HS2ST1: variants seen among roughly 807,000 people sequenced by gnomAD.
The protein encoded by HS2ST1 is 2-O-sulfotransferase.
HS2ST1 carries 18 observed loss-of-function variants against 42.9 expected under a neutral mutation model. That is an observed-to-expected ratio of 0.42 (90% confidence interval 0.29 to 0.62). The LOEUF (loss-of-function observed/expected upper bound fraction) is 0.62. Among genes scored for constraint, HS2ST1 ranks in the 20% least tolerant of loss-of-function variants. The pLI is 0.21. For missense variants in HS2ST1, 334 were observed against 433.8 expected, an observed-to-expected ratio of 0.77 and a Z score of 2.04; for synonymous variants, 146 against 152.9, an observed-to-expected ratio of 0.95 and a Z score of 0.33.
At chr1:86,965,032 G>A (rs769307803) in intron 1 of HS2ST1, among the ~76,000 whole-genome samples, 14 of 152,268 alleles carry the variant, frequency 9.2e-5, no homozygotes, top group East Asian at 3.9e-4. Context: ...TGACTGATCT[G>A]CTAGCCAAGA....
chr1:87,007,449 T>A lies in HS2ST1; in HGVS notation c.125-65485T>A, dbSNP rs79023269. On this transcript the variant is annotated intron_variant, in intron 1 of 6. Coordinates refer to ENST00000370550, the MANE Select transcript of HS2ST1 (RefSeq NM_012262.4). ...ACCTAGAGGCATGGCCCCTAAGTTA[T>A]TATAGAGGATGCATAGAAGGACATA... Among the ~76,000 whole-genome samples the A allele has an allele frequency of 9.1e-3, 1,385 of 152,172 alleles. 22 individuals are homozygous for A. The highest frequency in any genetic ancestry group is 0.032 in the African/African-American group (1,329 of 41,542).
At chr1:86,978,737 A>G (rs906285590) in intron 1 of HS2ST1, among the ~76,000 whole-genome samples, 1 of 152,104 alleles carries the variant, frequency 6.6e-6, no homozygotes, top group Non-Finnish European at 1.5e-5. Context: ...AAAATTAAGA[A>G]TATAATATAT....
At chr1:87,056,264 C>T (rs995347579) in intron 1 of HS2ST1, among the ~76,000 whole-genome samples, 16 of 152,210 alleles carry the variant, frequency 1.1e-4, no homozygotes, top group African/African-American at 3.9e-4. Flanking sequence ...AGTTTCTCTT[C>T]TATTCCTCCA....
intron 1 of HS2ST1, among the ~76,000 whole-genome samples, chr1:86,944,761 A>G (rs771182655): frequency 3.3e-5 from 5 of 152,060 alleles, no homozygotes; most frequent in Non-Finnish European, 7.4e-5. Context: ...CTTTTTCTCT[A>G]CTAAACTATC....
At chr1:86,980,843 T>G (rs1648557200) in intron 1 of HS2ST1, among the ~76,000 whole-genome samples, 1 of 152,204 alleles carries the variant, frequency 6.6e-6, no homozygotes, top group Non-Finnish European at 1.5e-5. Context: ...AAATTGTCAT[T>G]TTTATAAGAA....
chr1:86,934,901 C>G (rs1660611769), intron 1 of HS2ST1: 1 of 124,150 alleles, frequency 8.1e-6, no homozygotes. Flanking sequence ...GCATTCCTGC[C>G]TGGGCGACAA....
At chr1:87,097,028 C>T (rs1433578560) in intron 4 of HS2ST1, among the ~76,000 whole-genome samples, 1 of 152,206 alleles carries the variant, frequency 6.6e-6, no homozygotes, top group Non-Finnish European at 1.5e-5. Flanking sequence ...TCAAATGCCT[C>T]ATGAAAATAT....
At chr1:86,920,523 G>A (rs1660270264) in intron 1 of HS2ST1, among the ~76,000 whole-genome samples, 1 of 152,106 alleles carries the variant, frequency 6.6e-6, no homozygotes, top group African/African-American at 2.4e-5. Context: ...TCTTGAATAG[G>A]ATGTCTAGTG....
chr1:87,012,965 C>G (rs1649646313), intron 1 of HS2ST1, among the ~76,000 whole-genome samples: 1 of 152,214 alleles, frequency 6.6e-6, no homozygotes, highest in African/African-American at 2.4e-5. Context: ...GGTGGGCTTC[C>G]CCATGGTCTT....
chr1:87,096,162 G>A (rs888929280), intron 4 of HS2ST1, among the ~76,000 whole-genome samples: 26 of 151,858 alleles, frequency 1.7e-4, no homozygotes, highest in East Asian at 3.9e-4. Flanking sequence ...AAAAAATTGC[G>A]GCTATTCTTT....
intron 1 of HS2ST1, among the ~76,000 whole-genome samples, chr1:87,009,901 G>A (rs986059450): frequency 3.9e-5 from 6 of 152,076 alleles, no homozygotes; most frequent in Non-Finnish European, 8.8e-5. Context: ...TGGGCCTGGT[G>A]GCGGGCACCT....
intron 1 of HS2ST1, chr1:87,064,625 C>G (rs116037068): frequency 2.2e-6 from 1 of 463,060 alleles, no homozygotes; most frequent in Non-Finnish European, 4.3e-6. Context: ...TTTTGTTAGT[C>G]CCCCATGGTG....
intron 1 of HS2ST1, among the ~76,000 whole-genome samples, chr1:86,996,159 A>G (rs988610850): frequency 6.6e-6 from 1 of 152,032 alleles, no homozygotes; most frequent in Non-Finnish European, 1.5e-5. Flanking sequence ...AGAAGTACCA[A>G]AGGCCAGGTA....
intron 1 of HS2ST1, among the ~76,000 whole-genome samples, chr1:87,042,318 T>C (rs1028402527): frequency 6.6e-6 from 1 of 152,192 alleles, no homozygotes; most frequent in Non-Finnish European, 1.5e-5. Flanking sequence ...CTTTTTAGTT[T>C]GATACAGTCA....
intron 1 of HS2ST1, among the ~76,000 whole-genome samples, chr1:86,930,270 C>A (rs150901798): frequency 6.6e-6 from 1 of 151,778 alleles, no homozygotes; most frequent in Non-Finnish European, 1.5e-5. Context: ...TAAAATTTTT[C>A]CTAATTAGCA....
chr1:87,081,928 C>T (rs1201047184), intron 2 of HS2ST1, among the ~76,000 whole-genome samples: 16 of 145,046 alleles, frequency 1.1e-4, no homozygotes, highest in Admixed American at 1.1e-3. Flanking sequence ...GAGCTGAGAT[C>T]GTGTCACTAC....
chr1:86,974,111 G>A (rs892872397), intron 1 of HS2ST1, among the ~76,000 whole-genome samples: 2 of 152,016 alleles, frequency 1.3e-5, no homozygotes, highest in African/African-American at 4.8e-5. Flanking sequence ...AAATTTTTGG[G>A]GTGATAGTAG....
intron 3 of HS2ST1, among the ~76,000 whole-genome samples, chr1:87,089,603 C>T (rs1206827885): frequency 6.6e-6 from 1 of 152,008 alleles, no homozygotes; most frequent in Non-Finnish European, 1.5e-5. Context: ...TTCTAACTGG[C>T]TGAGCTGTGT....
At chr1:86,917,584 G>A (rs1660190149) in intron 1 of HS2ST1, among the ~76,000 whole-genome samples, 1 of 152,036 alleles carries the variant, frequency 6.6e-6, no homozygotes, top group Non-Finnish European at 1.5e-5. Context: ...GCTTAGAGAG[G>A]TTATATAACT....
Sources: gnomAD v4.1 joint callset for allele counts (sites outside exome capture counted in the v4.1 genomes callset) on GRCh38, gnomAD v4.1.1 for gene constraint, MANE v1.5 for transcripts, NCBI Gene and HGNC (gene_info 2026-07-23, HGNC 2026-07-21) for gene names.